HOOK2: variants seen among roughly 807,000 people sequenced by gnomAD.
The protein encoded by HOOK2 is hook microtubule tethering protein 2.
HOOK2 carries 108 observed loss-of-function variants against 111.9 expected under a neutral mutation model. That is an observed-to-expected ratio of 0.96 (90% CI 0.83 to 1.13). HOOK2 has a LOEUF of 1.13. Ranked by LOEUF, HOOK2 falls within the 50% of genes most tolerant of loss-of-function variation. The pLI, the probability that HOOK2 is intolerant of heterozygous loss-of-function variation, is 0.00. For missense variants in HOOK2, 978 were observed against 951.3 expected (o/e 1.03, Z -0.37); for synonymous variants, 405 against 394.3 (o/e 1.03, Z -0.32).
At chr19:12,771,106 C>T in intron 9 of HOOK2, 34 bp from the exon 10 acceptor site, 1 of 1,611,128 alleles carries the variant, frequency 6.2e-7, no homozygotes, top group Non-Finnish European at 8.5e-7. Flanking sequence ...CATGAGGGGG[C>T]TGCCCTCCCC....
intron 22 of HOOK2, 22 bp downstream of exon 22, chr19:12,763,506 A>G: frequency 1.2e-6 from 2 of 1,614,172 alleles, no homozygotes; most frequent in Middle Eastern, 3.3e-4. Context: ...ATGAGATCTT[A>G]GAGCCCAGAC....
intron 3 of HOOK2, among the ~76,000 whole-genome samples, chr19:12,784,008 C>A (rs1000960744): frequency 2.3e-4 from 34 of 150,924 alleles, no homozygotes; most frequent in African/African-American, 6.1e-4. Flanking sequence ...CCTGAGAGGG[C>A]CCCCCCACGC....
chr19:12,763,290 T>A lies in HOOK2; in HGVS notation c.2152A>T (p.Lys718Ter). Reference protein sequence around the residue: ...LASLNLRPTDKH With the variant: ...LASLNLRPTD ...CTTGATTGTGAGGTCTGTCAGTGCT[T>A]GTCAGTGGGGCGAAGGTTCAGAGAT... Residue 718 changes from lysine to a stop codon, truncating the protein, a stop_gained, in exon 23 of 23, where the codon AAG becomes TAG. Transcript: ENST00000397668. LOFTEE classifies it high-confidence loss of function. 3 of 1,613,402 alleles carry A rather than the reference T, an allele frequency of 1.9e-6. No homozygotes were observed. The highest frequency in any genetic ancestry group is 2.5e-6 in the Non-Finnish European group (3 of 1,179,878).
intron 13 of HOOK2, 21 bp downstream of exon 13, chr19:12,767,795 C>G (rs749612153): frequency 1.9e-6 from 3 of 1,596,562 alleles, no homozygotes; most frequent in Non-Finnish European, 2.5e-6. Flanking sequence ...GGTAAGACCC[C>G]GGGATGGGGC....
At chr19:12,780,548 A>G (rs1271096788), upstream of HOOK2, among the ~76,000 whole-genome samples, 10 of 140,470 alleles carry the variant, frequency 7.1e-5, no homozygotes, top group East Asian at 5.0e-4. Flanking sequence ...AGTAGAGACG[A>G]GGTTTCACCG....
At chr19:12,787,935 A>C (rs1968672467) in intron 3 of HOOK2, among the ~76,000 whole-genome samples, 1 of 152,008 alleles carries the variant, frequency 6.6e-6, no homozygotes, top group Non-Finnish European at 1.5e-5. Context: ...TGCGCCTGTA[A>C]TCCCAGCTAC....
At chr19:12,763,452 G>A in intron 22 of HOOK2, 21 bp from the exon 23 acceptor site, 1 of 1,613,324 alleles carries the variant, frequency 6.2e-7, no homozygotes, top group Admixed American at 1.7e-5. Context: ...AGGTGTGGTT[G>A]GGGTCAGGTG....
chr19:12,781,218 G>A (rs1488823633), upstream of HOOK2, among the ~76,000 whole-genome samples: 4 of 145,096 alleles, frequency 2.8e-5, no homozygotes, highest in African/African-American at 1.0e-4. Flanking sequence ...CAGGAGAATG[G>A]CGTGAACCCG....
intron 3 of HOOK2, among the ~76,000 whole-genome samples, chr19:12,789,839 G>C (rs369152029): frequency 3.9e-5 from 6 of 152,002 alleles, no homozygotes; most frequent in Non-Finnish European, 8.8e-5. Flanking sequence ...GGGCTGGTCG[G>C]GACTAGCAGT....
Position 12,767,836 on chromosome 19 carries a change from G to A in HOOK2, c.1283C>T (p.Pro428Leu), listed in dbSNP as rs750079184. 2.3e-5 allele frequency: 37 copies of A among 1,604,014 alleles called. No individual in the cohort carries two copies. The highest frequency in any genetic ancestry group is 3.1e-5 in the Non-Finnish European group (36 of 1,179,890). The change falls in exon 13 of 23, where the codon CCG (proline) becomes CTG (leucine). Residue 428 changes from proline to leucine, a missense_variant. This residue lies in a region of HOOK2 where 388 missense variants were observed against 358.3 expected (regional missense o/e 1.08). Transcript: ENST00000397668. ...CTCACCGGCCTGGGTCAACCCCCGC[G>A]GCTGCAGCTGGGCGCAGCGCAGCTC... ...NEELRCAQLQ[P>L]RGLTQADPSL...
intron 13 of HOOK2, 79 bp from the exon 14 acceptor site, chr19:12,767,543 C>G: frequency 8.2e-7 from 1 of 1,213,440 alleles, no homozygotes; most frequent in Non-Finnish European, 1.2e-6. Flanking sequence ...CAAGGATCAT[C>G]TTTTGGGGCT....
intron 1 of HOOK2, 180 bp from the exon 2 acceptor site, chr19:12,775,077 C>T (rs73503408): frequency 0.067 from 49,585 of 736,288 alleles, 4,928 homozygotes; most frequent in African/African-American, 0.4. Context: ...GTGGCCTCAC[C>T]TCACCTCTGC....
Position 12,774,706 on chromosome 19 carries a change from C to T in HOOK2, c.167G>A (p.Gly56Asp), listed in dbSNP as rs1350275191. The change falls in exon 3 of 23, where the codon GGC (glycine) becomes GAC (aspartate). Residue 56 changes from glycine (G) to aspartate (D), a missense_variant. This residue lies in a region of HOOK2 where 301 missense variants were observed against 286.1 expected (regional missense o/e 1.05). Transcript: ENST00000397668. The part of the protein sequence containing the change: ...PSWFNEAWLQ[G>D]ISEDPGPNWK... ...GTTGGGACCTGGATCTTCCGAGATGCCCTGGAGCCATGCCTCGTTGAACCA... is the reference window on the plus strand; with the variant it reads ...GTTGGGACCTGGATCTTCCGAGATGTCCTGGAGCCATGCCTCGTTGAACCA... 3 of 1,614,080 alleles carry T rather than the reference C, an allele frequency of 1.9e-6. No homozygotes were observed. Among genetic ancestry groups the T allele is most frequent in the African/African-American group, 2.7e-5 (2 of 74,938 alleles).
intron 18 of HOOK2, 23 bp from the exon 19 acceptor site, chr19:12,765,104 A>T (rs370240416): frequency 6.2e-7 from 1 of 1,613,070 alleles, no homozygotes; most frequent in Non-Finnish European, 8.5e-7. Context: ...GATGAGCAGC[A>T]GTGGGCTGAC....
At chr19:12,767,611 C>A in intron 13 of HOOK2, 147 bp from the exon 14 acceptor site, 1 of 869,652 alleles carries the variant, frequency 1.1e-6, no homozygotes. Context: ...TGATAGAGAA[C>A]CGGGAGGGTT....
rs1192366723 is a variant in HOOK2 at position 12,771,402 on chromosome 19, G to A, written c.595C>T (p.Arg199Trp). 13 of 1,613,356 alleles carry A rather than the reference G, an allele frequency of 8.1e-6. No homozygotes were observed. Among genetic ancestry groups the A allele is most frequent in the Middle Eastern group, 1.6e-4 (1 of 6,084 alleles). Residue 199 changes from arginine to tryptophan, a missense_variant, in exon 8 of 23, where the codon CGG becomes TGG. By Grantham distance (101) the Arg-to-Trp change is moderately radical (BLOSUM62 -3). Transcript: ENST00000397668. ...TGCCCCACCTAGGGCCCTACCTGCC[G>A]CTCCAGATCCAGACAGCGCTGCTGT... Reference protein sequence around the residue: ...ELQQRCLDLERQLMLLSEEKQ... With the variant: ...ELQQRCLDLEWQLMLLSEEKQ...
At chr19:12,783,895 C>T (rs1968630988) in intron 3 of HOOK2, among the ~76,000 whole-genome samples, 2 of 152,152 alleles carry the variant, frequency 1.3e-5, no homozygotes, top group African/African-American at 4.8e-5. Flanking sequence ...ATCTTGTCCA[C>T]CCCCTGCCCG....
chr19:12,787,952 G>A (rs1434539367), intron 3 of HOOK2, among the ~76,000 whole-genome samples: 1 of 152,156 alleles, frequency 6.6e-6, no homozygotes, highest in Non-Finnish European at 1.5e-5. Context: ...CTACTCAGGA[G>A]GCTGAGGCAG....
chr19:12,771,501 A>G, intron 7 of HOOK2, 24 bp from the exon 8 acceptor site: 1 of 1,595,684 alleles, frequency 6.3e-7, no homozygotes, highest in Non-Finnish European at 8.6e-7. Flanking sequence ...GGGGAAGAGG[A>G]ACTCAGGGAT....
Sources: allele counts gnomAD v4.1 joint callset (sites outside exome capture counted in the v4.1 genomes callset), GRCh38; gene constraint gnomAD v4.1.1; regional missense constraint gnomAD v4.1.1; transcripts MANE v1.5; gene names NCBI Gene and HGNC (gene_info 2026-07-23, HGNC 2026-07-21).